The following NEMP2 variants were observed in gnomAD, a reference collection of about 807,000 sequenced individuals.
NEMP2 encodes the protein nuclear envelope integral membrane protein 2.
NEMP2 carries 53 observed loss-of-function variants against 54.2 expected under a neutral mutation model. The observed-to-expected ratio is 0.98, with a 90% CI of 0.78 to 1.23. The LOEUF is 1.23. Ranked by LOEUF, NEMP2 falls within the 50% of genes most tolerant of loss-of-function variation. NEMP2 has a pLI of 0.00. For synonymous variants in NEMP2, 197 were observed against 190.3 expected (o/e 1.04, Z -0.29); for missense variants, 455 against 511.3 (o/e 0.89, Z 1.06).
At chr2:190,477,092 A>C in the NEMP2 span, 35 of 165,376 alleles carry the variant, frequency 2.1e-4, 1 homozygote, top group South Asian at 3.1e-3. Context: ...ATTAGGAGAT[A>C]TACCTAATGT....
At chr2:190,624,351 G>A in the NEMP2 span, among the ~76,000 whole-genome samples, 1 of 152,126 alleles carries the variant, frequency 6.6e-6, no homozygotes, top group Non-Finnish European at 1.5e-5. Context: ...TTGTTGATAG[G>A]AATGTTAGTA....
At chr2:190,438,945 T>A in the NEMP2 span, among the ~76,000 whole-genome samples, 2 of 152,190 alleles carry the variant, frequency 1.3e-5, no homozygotes, top group African/African-American at 4.8e-5. The surrounding 1 kb of genome is among the most constrained non-coding windows in gnomAD (Gnocchi z 5.2). Context: ...TTCCTTCCCT[T>A]TCTCAGATCT....
the NEMP2 span, among the ~76,000 whole-genome samples, chr2:190,599,071 A>G: frequency 6.0e-4 from 91 of 152,216 alleles, no homozygotes; most frequent in Admixed American, 1.3e-3. Context: ...AGCAGATTTT[A>G]GTCATAAAAT....
chr2:190,471,985 G>A, the NEMP2 span, among the ~76,000 whole-genome samples: 1 of 152,188 alleles, frequency 6.6e-6, no homozygotes, highest in African/African-American at 2.4e-5. The surrounding 1 kb of genome is among the most constrained non-coding windows in gnomAD (Gnocchi z 4.7). Flanking sequence ...AACAGGGTCT[G>A]GAGTGGACCT....
the NEMP2 span, among the ~76,000 whole-genome samples, chr2:190,647,964 T>A: frequency 1.3e-5 from 2 of 152,188 alleles, no homozygotes; most frequent in Non-Finnish European, 2.9e-5. Flanking sequence ...TCCGCCCGCC[T>A]CGGCCTCCCA....
At chr2:190,607,237 C>T in the NEMP2 span, among the ~76,000 whole-genome samples, 1 of 152,078 alleles carries the variant, frequency 6.6e-6, no homozygotes, top group African/African-American at 2.4e-5. This position sits in a 1 kb window ranked among gnomAD's most constrained non-coding sequence, Gnocchi z 5.2. Flanking sequence ...TCAGCTGCAG[C>T]TTGGGTATGT....
At chr2:190,431,511 C>T in the NEMP2 span, among the ~76,000 whole-genome samples, 9 of 152,312 alleles carry the variant, frequency 5.9e-5, no homozygotes, top group East Asian at 1.9e-4. This position sits in a 1 kb window ranked among gnomAD's most constrained non-coding sequence, Gnocchi z 4.4. Flanking sequence ...GAGACTAGCC[C>T]GGCCAACACA....
rs1475774461 is a variant in NEMP2 at position 190,525,130 on chromosome 2, A to G, written c.213+133T>C. 30 of 554,364 alleles carry G rather than the reference A, an allele frequency of 5.4e-5. No individual in the cohort carries two copies. In the Admixed American group the frequency reaches 9.5e-4, roughly 18 times the overall value. 34.3% of individuals were successfully genotyped at this position (554,364 alleles called of 1,614,324 possible). A position where few individuals can be genotyped will look rare whatever the true frequency, so the allele number is the denominator to read the frequency against. On this transcript the variant is annotated intron_variant, in intron 2 of 8. Transcript: ENST00000409150. This position sits in a 1 kb window ranked among gnomAD's most constrained non-coding sequence, Gnocchi z 5.0. ...ATTGAACCACTGTGTGTGATCCTCA[A>G]GTCAGCTTTCATAGTGATACACAGA...
chr2:190,465,510 T>C, the NEMP2 span, among the ~76,000 whole-genome samples: 19 of 152,192 alleles, frequency 1.2e-4, no homozygotes, highest in African/African-American at 4.6e-4. This position sits in a 1 kb window ranked among gnomAD's most constrained non-coding sequence, Gnocchi z 4.6. Flanking sequence ...TATAATCTTA[T>C]GTAAAAAAAT....
At position 190,529,923 on chromosome 2, in the gene NEMP2, C is replaced by G. The variant is rs905592431; in HGVS notation, c.98-4545G>C. Among the ~76,000 whole-genome samples the G allele has an allele frequency of 3.3e-5, 5 of 152,228 alleles. No individual in the cohort carries two copies. Among genetic ancestry groups the G allele is most frequent in the African/African-American group, 1.2e-4 (5 of 41,462 alleles). ...AGCCACAGGCTGCACTTCCCCCTTG[C>G]CCTACCCCATGGCCAATACATCCAT... On this transcript the variant is annotated intron_variant, in intron 1 of 8. Coordinates refer to ENST00000409150, the MANE Select transcript of NEMP2 (RefSeq NM_001142645.2). This position sits in a 1 kb window ranked among gnomAD's most constrained non-coding sequence, Gnocchi z 4.7.
In NEMP2 at chr2:190,531,792, A is replaced by C. The variant is rs938322743; in HGVS notation, c.97+2767T>G. On this transcript the variant is annotated intron_variant, in intron 1 of 8. Coordinates refer to ENST00000409150, the MANE Select transcript of NEMP2 (RefSeq NM_001142645.2). This position sits in a 1 kb window ranked among gnomAD's most constrained non-coding sequence, Gnocchi z 4.7. The stretch of plus-strand genomic sequence containing the variant: ...AGTATATGTTTAAGTTAAAGAGTTG[A>C]GTCATATATACGGAAAAAAAAACCT... 2.6e-5 allele frequency among the ~76,000 whole-genome samples: 4 copies of C among 152,296 alleles called. No homozygotes were observed. The highest frequency in any genetic ancestry group is 3.4e-3 in the Middle Eastern group (1 of 294).
the NEMP2 span, among the ~76,000 whole-genome samples, chr2:190,452,367 G>A: frequency 3.3e-5 from 5 of 152,094 alleles, no homozygotes; most frequent in Non-Finnish European, 5.9e-5. Flanking sequence ...CCATTTGATT[G>A]CTTATTACAT....
the NEMP2 span, chr2:190,442,765 A>C: frequency 6.6e-6 from 1 of 152,180 alleles, no homozygotes; most frequent in African/African-American, 2.4e-5. Flanking sequence ...AAATTGAAAC[A>C]TCTAGATGGG....
chr2:190,466,905 C>G, the NEMP2 span, among the ~76,000 whole-genome samples: 571 of 152,294 alleles, frequency 3.7e-3, no homozygotes, highest in African/African-American at 0.012. Context: ...ACTCCAGTGA[C>G]TGAATTCCAT....
In NEMP2 at chr2:190,533,920, C is replaced by T; in HGVS notation, c.97+639G>A. On this transcript the variant is annotated intron_variant, in intron 1 of 8. Coordinates refer to ENST00000409150, the MANE Select transcript of NEMP2 (RefSeq NM_001142645.2). The surrounding 1 kb of genome is among the most constrained non-coding windows in gnomAD (Gnocchi z 4.3). ...ATCTTAAGCCCACTCCGTGGCGAGC[C>T]CCTACAGCTAGCAGCCGCTACCAGT... 3 of 954,262 alleles carry T rather than the reference C, an allele frequency of 3.1e-6. No homozygotes were observed. Among genetic ancestry groups the T allele is most frequent in the Non-Finnish European group, 3.7e-6 (3 of 801,608 alleles). The allele number at this position is 954,262 out of a possible 1,614,324, so 59.1% of individuals were successfully genotyped here. A position where few individuals can be genotyped will look rare whatever the true frequency, so the allele number is the denominator to read the frequency against.
chr2:190,534,513 G>A, intron 1 of NEMP2, 46 bp downstream of exon 1: 1 of 1,358,134 alleles, frequency 7.4e-7, no homozygotes, highest in Non-Finnish European at 9.4e-7. Context: ...GCGAAGCCGG[G>A]GAGCGAGCAC....
downstream of NEMP2, among the ~76,000 whole-genome samples, chr2:190,504,156 T>C (rs1690131422): frequency 1.3e-5 from 2 of 152,098 alleles, no homozygotes; most frequent in Non-Finnish European, 2.9e-5. The surrounding 1 kb of genome is among the most constrained non-coding windows in gnomAD (Gnocchi z 5.6). Context: ...TACACACACA[T>C]AGAACATCTC....
At chr2:190,466,918 G>A in the NEMP2 span, among the ~76,000 whole-genome samples, 1 of 152,186 alleles carries the variant, frequency 6.6e-6, no homozygotes, top group Admixed American at 6.5e-5. Flanking sequence ...AATTCCATCT[G>A]GGAAGAGGTT....
the NEMP2 span, among the ~76,000 whole-genome samples, chr2:190,580,056 G>A: frequency 6.6e-6 from 1 of 152,102 alleles, no homozygotes; most frequent in African/African-American, 2.4e-5. This position sits in a 1 kb window ranked among gnomAD's most constrained non-coding sequence, Gnocchi z 5.3. Context: ...TTTGAATCAC[G>A]TGGGGATCTA....
Sources: allele counts gnomAD v4.1 joint callset (sites outside exome capture counted in the v4.1 genomes callset), GRCh38; gene constraint gnomAD v4.1.1; non-coding constraint Gnocchi (gnomAD v3.1); transcripts MANE v1.5; gene names NCBI Gene and HGNC (gene_info 2026-07-23, HGNC 2026-07-21).